IGSF21: variants seen among roughly 807,000 people sequenced by gnomAD.
IGSF21 encodes the protein immunoglobulin superfamily member 21.
IGSF21 carries 28 observed loss-of-function variants against 46.8 expected under a neutral mutation model. The observed-to-expected ratio is 0.60, with a 90% CI of 0.44 to 0.82. IGSF21 has a LOEUF of 0.82. Ranked by LOEUF, IGSF21 falls within the 40% of genes least tolerant of loss-of-function variation. The probability of loss-of-function intolerance (pLI) is 0.00; values close to 1 mark genes in which losing one functional copy is unlikely to be tolerated. For missense variants in IGSF21, 624 were observed against 665.5 expected (o/e 0.94, Z 0.69); for synonymous variants, 284 against 273.6 (o/e 1.04, Z -0.38).
At chr1:18,321,259 T>C (rs2085598053) in intron 3 of IGSF21, among the ~76,000 whole-genome samples, 1 of 152,228 alleles carries the variant, frequency 6.6e-6, no homozygotes, top group Non-Finnish European at 1.5e-5. Flanking sequence ...CATGTTGCTG[T>C]AGAGCCACAG....
At chr1:18,264,383 C>A (rs896322384) in intron 2 of IGSF21, among the ~76,000 whole-genome samples, 6 of 152,156 alleles carry the variant, frequency 3.9e-5, no homozygotes, top group Non-Finnish European at 5.9e-5. Flanking sequence ...AAGTGCCCAA[C>A]TCATGTTTAT....
intron 2 of IGSF21, among the ~76,000 whole-genome samples, chr1:18,286,001 C>A (rs934338176): frequency 2.6e-5 from 4 of 152,264 alleles, no homozygotes; most frequent in African/African-American, 9.6e-5. Context: ...GAGGCATGAT[C>A]CTTCCCGTTT....
chr1:18,243,327 C>CG (rs1452187180), intron 2 of IGSF21, among the ~76,000 whole-genome samples: 1 of 152,078 alleles, frequency 6.6e-6, no homozygotes, highest in Non-Finnish European at 1.5e-5. Context: ...GTTTCCGAAG[C>CG]GAAAAATCTA....
At chr1:18,302,368 G>A (rs2085370932) in intron 3 of IGSF21, among the ~76,000 whole-genome samples, 2 of 152,166 alleles carry the variant, frequency 1.3e-5, no homozygotes, top group South Asian at 2.1e-4. Flanking sequence ...GACAGGGCAG[G>A]GCTGATTCTT....
intron 3 of IGSF21, among the ~76,000 whole-genome samples, chr1:18,314,921 G>A (rs1434336159): frequency 6.6e-6 from 1 of 152,170 alleles, no homozygotes; most frequent in African/African-American, 2.4e-5. Context: ...GGAGGCCACA[G>A]GTATCTTCCT....
intron 4 of IGSF21, among the ~76,000 whole-genome samples, chr1:18,359,462 GGGAAGGAAGGAAGGAA>G (rs200525577): frequency 0.011 from 838 of 74,860 alleles, 13 homozygotes; most frequent in Non-Finnish European, 0.015. Context: ...AAGAAAGAAA[GGGAAGGAAGGAAGGAA>G]GGAAGGAAGG....
intron 2 of IGSF21, among the ~76,000 whole-genome samples, chr1:18,262,081 TG>T (rs1439226218): frequency 1.3e-5 from 2 of 152,144 alleles, no homozygotes; most frequent in Non-Finnish European, 2.9e-5. Context: ...TCAGCAGGTC[TG>T]GGGCGGGACT....
intron 1 of IGSF21, among the ~76,000 whole-genome samples, chr1:18,211,535 A>C (rs939693058): frequency 6.6e-6 from 1 of 152,218 alleles, no homozygotes; most frequent in African/African-American, 2.4e-5. Flanking sequence ...AGAAAAATAA[A>C]AGGCAAAATA....
chr1:18,363,845 G>A (rs771428488), intron 5 of IGSF21, among the ~76,000 whole-genome samples: 36 of 151,970 alleles, frequency 2.4e-4, no homozygotes, highest in Non-Finnish European at 4.7e-4. Flanking sequence ...AGAGACACAG[G>A]TGGGGTGGTG....
chr1:18,348,887 A>G (rs1427959779), intron 4 of IGSF21, among the ~76,000 whole-genome samples: 1 of 152,178 alleles, frequency 6.6e-6, no homozygotes, highest in African/African-American at 2.4e-5. Context: ...CCCCATCTGC[A>G]TATGAGAAGC....
At chr1:18,200,575 G>A (rs1035679565) in intron 1 of IGSF21, among the ~76,000 whole-genome samples, 1 of 152,224 alleles carries the variant, frequency 6.6e-6, no homozygotes, top group African/African-American at 2.4e-5. Flanking sequence ...TGCTCCCTCT[G>A]TGTCTGCTTC....
chr1:18,146,621 G>T (rs887247037), intron 1 of IGSF21, among the ~76,000 whole-genome samples: 7 of 152,142 alleles, frequency 4.6e-5, no homozygotes, highest in African/African-American at 2.4e-5. Context: ...GGTAGTAGGA[G>T]AGGAACTGAG....
chr1:18,155,594 T>A (rs2086561362), intron 1 of IGSF21, among the ~76,000 whole-genome samples: 2 of 152,302 alleles, frequency 1.3e-5, no homozygotes, highest in African/African-American at 4.8e-5. Context: ...GGGCCCCGGG[T>A]GCCCAAAAAG....
chr1:18,377,147 C>G (rs987288615), intron 8 of IGSF21, among the ~76,000 whole-genome samples, 155 bp downstream of exon 8: 1 of 152,188 alleles, frequency 6.6e-6, no homozygotes, highest in African/African-American at 2.4e-5. Flanking sequence ...GAGGCAGGGT[C>G]GCTCAGTGGT....
intron 3 of IGSF21, among the ~76,000 whole-genome samples, chr1:18,296,417 TGGGTTGGATGAA>T (rs2085312813): frequency 6.6e-6 from 1 of 152,106 alleles, no homozygotes; most frequent in Non-Finnish European, 1.5e-5. Context: ...TGTTTTTTGC[TGGGTTGGATGAA>T]GGGTGGGGAG....
intron 3 of IGSF21, among the ~76,000 whole-genome samples, chr1:18,308,727 G>A (rs1482478129): frequency 6.6e-6 from 1 of 152,164 alleles, no homozygotes; most frequent in Non-Finnish European, 1.5e-5. Context: ...CATGCAGCAG[G>A]AGCCCCCTTT....
In IGSF21 at chr1:18,322,097, A is replaced by C. The variant is rs769174943; in HGVS notation, c.306-12795A>C. Among the ~76,000 whole-genome samples the C allele has an allele frequency of 2.0e-5, 3 of 152,126 alleles. No individual in the cohort carries two copies. Among genetic ancestry groups the C allele is most frequent in the Non-Finnish European group, 4.4e-5 (3 of 68,014 alleles). ...GAGGTTATTAGCTATTATTGTTCTTATTGCAAAAGGCTTTCCCTGAGAATT... is the reference window on the plus strand; with the variant it reads ...GAGGTTATTAGCTATTATTGTTCTTCTTGCAAAAGGCTTTCCCTGAGAATT... On this transcript the variant is annotated intron_variant, in intron 3 of 9. Transcript: ENST00000251296. This position sits in a 1 kb window ranked among gnomAD's most constrained non-coding sequence, Gnocchi z 4.3.
intron 1 of IGSF21, among the ~76,000 whole-genome samples, chr1:18,129,942 C>G (rs901356885): frequency 6.6e-6 from 1 of 152,184 alleles, no homozygotes; most frequent in African/African-American, 2.4e-5. Flanking sequence ...AGATGCCAGC[C>G]TCTCCATCTT....
chr1:18,216,103 A>G (rs985049607), intron 1 of IGSF21, among the ~76,000 whole-genome samples: 4 of 152,186 alleles, frequency 2.6e-5, no homozygotes, highest in African/African-American at 9.7e-5. Flanking sequence ...AAGGTCTATG[A>G]GCTCAGGAGA....
Sources: gnomAD v4.1 joint callset for allele counts (sites outside exome capture counted in the v4.1 genomes callset) on GRCh38, gnomAD v4.1.1 for gene constraint, Gnocchi (gnomAD v3.1) non-coding constraint, MANE v1.5 for transcripts, NCBI Gene and HGNC (gene_info 2026-07-23, HGNC 2026-07-21) for gene names.